Variants in TWIST2 observed in about 807,000 individuals in gnomAD.
The protein encoded by TWIST2 is twist-related protein 2.
In TWIST2, 1 loss-of-function variant was observed where a neutral mutation model predicts 11.6. The ratio of observed to expected loss-of-function variants is 0.09; its 90% CI spans 0.03 to 0.41. TWIST2 has a LOEUF of 0.41. Among genes scored for constraint, TWIST2 ranks in the 10% least tolerant of loss-of-function variants. The pLI is 0.98. For missense variants in TWIST2, 168 were observed against 226.4 expected (o/e 0.74, Z 1.66); for synonymous variants, 87 against 96.6 (o/e 0.90, Z 0.58).
chr2:238,876,668 A>G (rs1452403783), intron 1 of TWIST2, among the ~76,000 whole-genome samples: 1 of 152,242 alleles, frequency 6.6e-6, no homozygotes, highest in Non-Finnish European at 1.5e-5. Flanking sequence ...CAATATGCCA[A>G]AAGAATAGGG....
chr2:238,897,360 C>T (rs989831371), intron 1 of TWIST2, among the ~76,000 whole-genome samples: 29 of 152,186 alleles, frequency 1.9e-4, no homozygotes, highest in Non-Finnish European at 2.5e-4. Context: ...GGGGGAGCCA[C>T]GGAGTTTGGC....
At chr2:238,874,063 G>T (rs1478656300) in intron 1 of TWIST2, among the ~76,000 whole-genome samples, 1 of 152,136 alleles carries the variant, frequency 6.6e-6, no homozygotes, top group Non-Finnish European at 1.5e-5. Flanking sequence ...GAAGACAAGG[G>T]GCCTGAGCTG....
chr2:238,849,218 G>T (rs1375883317), intron 1 of TWIST2, among the ~76,000 whole-genome samples: 6 of 152,176 alleles, frequency 3.9e-5, no homozygotes, highest in Non-Finnish European at 7.3e-5. Flanking sequence ...CAAGGGTAGA[G>T]CGCGTCCGTC....
chr2:238,854,402 C>G (rs1692294335), intron 1 of TWIST2, among the ~76,000 whole-genome samples: 1 of 152,168 alleles, frequency 6.6e-6, no homozygotes, highest in Non-Finnish European at 1.5e-5. Context: ...AAGATTTGGG[C>G]AAACCCCTTG....
Position 238,905,928 on chromosome 2 carries a change from T to C in TWIST2, c.*36-3914T>C, listed in dbSNP as rs1203630263. On this transcript the variant is annotated intron_variant, in intron 1 of 1. Coordinates refer to ENST00000612363, the MANE Select transcript of TWIST2 (RefSeq NM_001271893.4). ...GCGTGTGTGTGCGTGCAGGTGTGCGTGTGCGCGTGTGTGTGCGCGCGCGTG... is the reference window on the plus strand; with the variant it reads ...GCGTGTGTGTGCGTGCAGGTGTGCGCGTGCGCGTGTGTGTGCGCGCGCGTG... 1.6e-4 allele frequency among the ~76,000 whole-genome samples: 17 copies of C among 105,046 alleles called. No homozygotes were observed. In the East Asian group the frequency reaches 2.0e-3, roughly 12 times the overall value. 68.9% of individuals were successfully genotyped at this position (105,046 alleles called of 152,430 possible). A position where few individuals can be genotyped will look rare whatever the true frequency, so the allele number is the denominator to read the frequency against.
intron 1 of TWIST2, among the ~76,000 whole-genome samples, chr2:238,859,479 G>C (rs1692391253): frequency 6.6e-6 from 1 of 151,754 alleles, no homozygotes; most frequent in Non-Finnish European, 1.5e-5. Flanking sequence ...AGGTAGTGAT[G>C]ATGCCTTCAC....
chr2:238,901,800 TG>T, intron 1 of TWIST2, among the ~76,000 whole-genome samples: 1 of 151,420 alleles, frequency 6.6e-6, no homozygotes, highest in Non-Finnish European at 1.5e-5. Context: ...TCGAGACCCA[TG>T]GGGGTGGCTG....
In TWIST2 at chr2:238,863,491, C is replaced by G. The variant is rs1182981632; in HGVS notation, c.*35+14758C>G. On this transcript the variant is annotated intron_variant, in intron 1 of 1. Transcript: ENST00000612363. The surrounding 1 kb of genome is among the most constrained non-coding windows in gnomAD (Gnocchi z 4.7). ...GTGAGGGCTGTGCGGTTTCAGCTCT[C>G]CTGGCTGGCCTTTACCCGCTGGGCA... Among the ~76,000 whole-genome samples the G allele has an allele frequency of 6.6e-6, 1 of 152,212 alleles. No homozygotes were observed.
chr2:238,880,769 G>A lies in TWIST2; in HGVS notation c.*36-29073G>A, dbSNP rs1439611612. On this transcript the variant is annotated intron_variant, in intron 1 of 1. Coordinates refer to ENST00000612363, the MANE Select transcript of TWIST2 (RefSeq NM_001271893.4). ...AGTGTTGGTGTTAATATTAGCATTA[G>A]TGTCAGTGTTAGTATTAGTGTTAGT... Among the ~76,000 whole-genome samples, 3 of 118,036 alleles carry A rather than the reference G, an allele frequency of 2.5e-5. 1 individual carries two copies. The Admixed American group carries it at 2.7e-4, about 11-fold the overall frequency. The allele number at this position is 118,036 out of a possible 152,430, so 77.4% of individuals were successfully genotyped here. A position where few individuals can be genotyped will look rare whatever the true frequency, so the allele number is the denominator to read the frequency against.
chr2:238,871,881 C>T (rs934030499), intron 1 of TWIST2, among the ~76,000 whole-genome samples: 6 of 151,972 alleles, frequency 3.9e-5, no homozygotes, highest in East Asian at 1.9e-4. Flanking sequence ...CGATGGCTGC[C>T]GGGGGCCGAG....
chr2:238,857,795 C>T (rs955148716), intron 1 of TWIST2, among the ~76,000 whole-genome samples: 5 of 151,954 alleles, frequency 3.3e-5, no homozygotes, highest in African/African-American at 1.2e-4. Context: ...AAATTAGCCA[C>T]GTGTGGTGGC....
At chr2:238,887,038 C>G (rs1176465961) in intron 1 of TWIST2, 1 of 152,050 alleles carries the variant, frequency 6.6e-6, no homozygotes, top group Non-Finnish European at 1.5e-5. Flanking sequence ...TCACCAAGGT[C>G]TTGGAACATG....
At chr2:238,851,091 A>G (rs907001734) in intron 1 of TWIST2, among the ~76,000 whole-genome samples, 1 of 152,252 alleles carries the variant, frequency 6.6e-6, no homozygotes, top group East Asian at 1.9e-4. Context: ...AATTATATGC[A>G]TCAGCAAAGA....
chr2:238,885,699 G>A (rs1693021820), intron 1 of TWIST2, among the ~76,000 whole-genome samples: 1 of 152,226 alleles, frequency 6.6e-6, no homozygotes, highest in South Asian at 2.1e-4. Context: ...GTATGACTGG[G>A]AGGCTTATCA....
intron 1 of TWIST2, among the ~76,000 whole-genome samples, chr2:238,898,585 A>G (rs1693233543): frequency 1.3e-5 from 2 of 152,206 alleles, no homozygotes; most frequent in African/African-American, 4.8e-5. Flanking sequence ...GGTGGGCGCA[A>G]TGTGGGCGAG....
At position 238,908,063 on chromosome 2, in the gene TWIST2, G is replaced by A. The variant is rs1271836059; in HGVS notation, c.*36-1779G>A. ...CCCCCACATACACACACAAAGTCAC[G>A]CCACATACACCACACACCATACAAA... is the stretch of plus-strand genomic sequence containing the variant. On this transcript the variant is annotated intron_variant, in intron 1 of 1. Transcript: ENST00000612363. Among the ~76,000 whole-genome samples the A allele has an allele frequency of 1.7e-4, 20 of 116,812 alleles. No individual in the cohort carries two copies. In the South Asian group the frequency reaches 4.7e-3, roughly 27 times the overall value. 76.6% of individuals were successfully genotyped at this position (116,812 alleles called of 152,430 possible).
At chr2:238,896,797 T>TG (rs1693212918) in intron 1 of TWIST2, among the ~76,000 whole-genome samples, 1 of 152,202 alleles carries the variant, frequency 6.6e-6, no homozygotes, top group African/African-American at 2.4e-5. Flanking sequence ...GCCCATTTCT[T>TG]GGAGTACCAT....
intron 1 of TWIST2, among the ~76,000 whole-genome samples, chr2:238,894,822 A>G (rs1391168338): frequency 2.0e-5 from 3 of 152,188 alleles, no homozygotes; most frequent in African/African-American, 4.8e-5. Context: ...CCTCAGAAAC[A>G]TAACTGTCAC....
chr2:238,907,689 T>TCA (rs1187288964), intron 1 of TWIST2, among the ~76,000 whole-genome samples: 7 of 150,074 alleles, frequency 4.7e-5, no homozygotes, highest in Non-Finnish European at 7.4e-5. Flanking sequence ...CATACACCAC[T>TCA]CACACACACA....
Sources: allele counts gnomAD v4.1 joint callset (sites outside exome capture counted in the v4.1 genomes callset), GRCh38; gene constraint gnomAD v4.1.1; non-coding constraint Gnocchi (gnomAD v3.1); transcripts MANE v1.5; gene names NCBI Gene and HGNC (gene_info 2026-07-23, HGNC 2026-07-21).